The following MBNL2 variants were observed in gnomAD, a reference collection of about 807,000 sequenced individuals.
MBNL2 encodes the protein muscleblind like splicing regulator 2.
In MBNL2, 17 loss-of-function variants were observed where a neutral mutation model predicts 41.9. That is an observed-to-expected ratio of 0.41 (90% confidence interval 0.28 to 0.61). The LOEUF (loss-of-function observed/expected upper bound fraction) is 0.61, where lower values mean the gene tolerates loss of function less well. Among genes scored for constraint, MBNL2 ranks in the 20% least tolerant of loss-of-function variants. The pLI is 0.35. For missense variants in MBNL2, 336 were observed against 505.6 expected, an observed-to-expected ratio of 0.66 and a Z score of 3.22; for synonymous variants, 195 against 182.9, an observed-to-expected ratio of 1.07 and a Z score of -0.53.
intron 1 of MBNL2, among the ~76,000 whole-genome samples, chr13:97,228,518 ATATT>A (rs2041962501): frequency 6.9e-6 from 1 of 144,002 alleles, no homozygotes; most frequent in South Asian, 2.2e-4. Flanking sequence ...TTCAGTTTTT[ATATT>A]TATTATCTTT....
At chr13:97,259,652 C>G (rs2048236737) in intron 1 of MBNL2, among the ~76,000 whole-genome samples, 1 of 152,202 alleles carries the variant, frequency 6.6e-6, no homozygotes, top group African/African-American at 2.4e-5. Flanking sequence ...TAAAAATACA[C>G]TTCTCCTTAA....
At chr13:97,380,845 C>A (rs2065384352) in intron 8 of MBNL2, among the ~76,000 whole-genome samples, 1 of 152,136 alleles carries the variant, frequency 6.6e-6, no homozygotes, top group African/African-American at 2.4e-5. Flanking sequence ...TTGGCACTTC[C>A]TGAGGGCTTA....
chr13:97,183,619 T>C, the MBNL2 span, among the ~76,000 whole-genome samples: 1 of 152,278 alleles, frequency 6.6e-6, no homozygotes, highest in African/African-American at 2.4e-5. Flanking sequence ...TTTGACAATT[T>C]TACGCCCACA....
At chr13:97,254,532 T>C (rs1202838696) in intron 1 of MBNL2, among the ~76,000 whole-genome samples, 1 of 152,168 alleles carries the variant, frequency 6.6e-6, no homozygotes, top group East Asian at 1.9e-4. Context: ...CTGAAAGGCA[T>C]TTGCCTCTAT....
intron 1 of MBNL2, among the ~76,000 whole-genome samples, chr13:97,244,380 T>C (rs903670879): frequency 6.6e-6 from 1 of 152,174 alleles, no homozygotes; most frequent in African/African-American, 2.4e-5. Context: ...CAGGCCAGTG[T>C]CTCGTTAACA....
intron 8 of MBNL2, among the ~76,000 whole-genome samples, chr13:97,383,801 C>T (rs2065693451): frequency 6.6e-6 from 1 of 152,150 alleles, no homozygotes; most frequent in African/African-American, 2.4e-5. Context: ...TGGCATGACA[C>T]TGCCCAACCT....
intron 5 of MBNL2, 36 bp downstream of exon 5, chr13:97,347,103 G>GC: frequency 4.1e-6 from 6 of 1,467,288 alleles, no homozygotes; most frequent in African/African-American, 1.4e-5. Flanking sequence ...GCACCCCGGC[G>GC]CCTCTGCGGA....
intron 8 of MBNL2, among the ~76,000 whole-genome samples, chr13:97,389,874 A>G (rs1020137903): frequency 6.6e-6 from 1 of 152,118 alleles, no homozygotes; most frequent in Non-Finnish European, 1.5e-5. Flanking sequence ...AAACTAAGGG[A>G]TGAAATCAAA....
intron 7 of MBNL2, among the ~76,000 whole-genome samples, chr13:97,364,656 G>A (rs117355057): frequency 0.011 from 1,743 of 152,284 alleles, 23 homozygotes; most frequent in Non-Finnish European, 0.018. Flanking sequence ...TAAGTTCAGT[G>A]TATTCTAGTG....
At chr13:97,257,499 A>G (rs543281476) in intron 1 of MBNL2, among the ~76,000 whole-genome samples, 37 of 152,362 alleles carry the variant, frequency 2.4e-4, no homozygotes, top group Admixed American at 1.0e-3. Context: ...TCCACAGGCC[A>G]GTGGACCTGG....
the MBNL2 span, among the ~76,000 whole-genome samples, chr13:97,201,693 T>C: frequency 6.6e-6 from 1 of 152,224 alleles, no homozygotes; most frequent in Non-Finnish European, 1.5e-5. Context: ...AAATTCTGAA[T>C]TATTTATCAC....
chr13:97,162,311 C>T, the MBNL2 span, among the ~76,000 whole-genome samples: 5 of 152,046 alleles, frequency 3.3e-5, no homozygotes, highest in African/African-American at 1.2e-4. Flanking sequence ...TACATCAAAT[C>T]GACTCTAAGA....
At chr13:97,379,463 A>C (rs1282120262) in intron 8 of MBNL2, among the ~76,000 whole-genome samples, 1 of 152,230 alleles carries the variant, frequency 6.6e-6, no homozygotes, top group Non-Finnish European at 1.5e-5. Flanking sequence ...CCTCACTTTC[A>C]AATTGATCTC....
At chr13:97,161,850 CAT>C in the MBNL2 span, among the ~76,000 whole-genome samples, 5 of 152,158 alleles carry the variant, frequency 3.3e-5, no homozygotes, top group Non-Finnish European at 5.9e-5. Context: ...TTTTTGAACA[CAT>C]AGTTATTTCT....
At chr13:97,363,831 G>A (rs1160110730) in intron 7 of MBNL2, among the ~76,000 whole-genome samples, 4 of 152,106 alleles carry the variant, frequency 2.6e-5, no homozygotes, top group African/African-American at 4.8e-5. Flanking sequence ...ACTAGGTCAT[G>A]TTAGCTTGAT....
At chr13:97,193,706 C>T in the MBNL2 span, among the ~76,000 whole-genome samples, 1 of 152,112 alleles carries the variant, frequency 6.6e-6, no homozygotes, top group South Asian at 2.1e-4. Context: ...CAGCATGTGG[C>T]AGTTGTCTGG....
chr13:97,253,469 G>A (rs990857562), intron 1 of MBNL2, among the ~76,000 whole-genome samples: 15 of 151,972 alleles, frequency 9.9e-5, no homozygotes, highest in African/African-American at 3.6e-4. Context: ...CTAATTATAC[G>A]CTCCTGAGTT....
At chr13:97,193,138 T>C in the MBNL2 span, among the ~76,000 whole-genome samples, 2 of 152,302 alleles carry the variant, frequency 1.3e-5, no homozygotes, top group African/African-American at 4.8e-5. Context: ...TCAGACTTAA[T>C]GTAGGTTGTC....
In MBNL2 at chr13:97,334,870, T is replaced by A. The variant is rs1192693273; in HGVS notation, c.339+430T>A. The stretch of plus-strand genomic sequence containing the variant: ...TGAGAAACCAGAGAAGTTCAATGAT[T>A]TTCCGCAATGTCATGCAGCTAATAA... On this transcript the variant is annotated intron_variant, in intron 3 of 8. Coordinates refer to ENST00000679496, the MANE Select transcript of MBNL2 (RefSeq NM_001382683.1). The surrounding 1 kb of genome is among the most constrained non-coding windows in gnomAD (Gnocchi z 5.3). Among the ~76,000 whole-genome samples, 2 of 152,246 alleles carry A rather than the reference T, an allele frequency of 1.3e-5. No individual in the cohort carries two copies. The highest frequency in any genetic ancestry group is 4.8e-5 in the African/African-American group (2 of 41,474).
Sources: gnomAD v4.1 joint callset for allele counts (sites outside exome capture counted in the v4.1 genomes callset) on GRCh38, gnomAD v4.1.1 for gene constraint, Gnocchi (gnomAD v3.1) non-coding constraint, MANE v1.5 for transcripts, NCBI Gene and HGNC (gene_info 2026-07-23, HGNC 2026-07-21) for gene names.